Variants in AGBL1 observed in about 807,000 individuals in gnomAD.
The protein encoded by AGBL1 is AGBL carboxypeptidase 1.
Under a neutral mutation model 118.9 loss-of-function variants are expected in AGBL1, and 130 were observed. That is an observed-to-expected ratio of 1.09 (90% confidence interval 0.95 to 1.26). AGBL1 has a LOEUF of 1.26. AGBL1 is among the 50% of genes most tolerant of loss of function. The probability of loss-of-function intolerance (pLI) is 0.00; values close to 1 mark genes in which losing one functional copy is unlikely to be tolerated. For synonymous variants in AGBL1, 555 were observed against 478.9 expected (o/e 1.16, Z -2.08); for missense variants, 1,584 against 1,298.1 (o/e 1.22, Z -3.38).
Position 86,911,979 on chromosome 15 carries a change from C to T in AGBL1, c.*4685C>T, listed in dbSNP as rs951165758. 1 of 152,172 alleles carries T rather than the reference C, an allele frequency of 6.6e-6. No homozygotes were observed. The highest frequency in any genetic ancestry group is 2.4e-5 in the African/African-American group (1 of 41,424). 9.4% of individuals were successfully genotyped at this position (152,172 alleles called of 1,614,324 possible). A position where few individuals can be genotyped will look rare whatever the true frequency, so the allele number is the denominator to read the frequency against. On this transcript the variant is annotated 3_prime_UTR_variant, in exon 23 of 23. Transcript: ENST00000614907. Reference sequence around the variant, plus strand: ...CACAAACCTGCTATTATCTTGGCATCTGTCCCTATACCTATCATACTTCTT... The same window carrying T: ...CACAAACCTGCTATTATCTTGGCATTTGTCCCTATACCTATCATACTTCTT...
chr15:86,183,465 G>A (rs546862296), intron 5 of AGBL1, among the ~76,000 whole-genome samples: 10 of 152,154 alleles, frequency 6.6e-5, no homozygotes, highest in Non-Finnish European at 1.5e-5. Flanking sequence ...GCTCAGAGAA[G>A]ACTCCAGGTC....
At chr15:86,416,325 A>AT (rs556784599) in intron 18 of AGBL1, among the ~76,000 whole-genome samples, 170 of 152,280 alleles carry the variant, frequency 1.1e-3, no homozygotes, top group Non-Finnish European at 1.7e-3. Context: ...TTTTTCTTTT[A>AT]TTTTTGTAAA....
intron 17 of AGBL1, among the ~76,000 whole-genome samples, chr15:86,349,654 G>T (rs952308827): frequency 6.6e-6 from 1 of 152,148 alleles, no homozygotes; most frequent in African/African-American, 2.4e-5. Context: ...CAAGCCAGTT[G>T]CAATGAACCT....
chr15:86,727,976 C>A (rs551540155), intron 22 of AGBL1, among the ~76,000 whole-genome samples: 1 of 152,298 alleles, frequency 6.6e-6, no homozygotes, highest in Admixed American at 6.5e-5. Flanking sequence ...AAAGCTTTTG[C>A]AATAGGCAAG....
chr15:86,206,428 C>T (rs1487572576), intron 5 of AGBL1, among the ~76,000 whole-genome samples: 1 of 152,040 alleles, frequency 6.6e-6, no homozygotes, highest in Non-Finnish European at 1.5e-5. Context: ...ACACTCCCAC[C>T]AACAGTGAGA....
Position 86,908,005 on chromosome 15 carries a change from C to T in AGBL1, c.*711C>T, listed in dbSNP as rs186769387. ...CACCAAACATAATGCTAGGAAGTAC[C>T]AGACCTACTGGAAAATTTATTCATT... On this transcript the variant is annotated 3_prime_UTR_variant, in exon 23 of 23. Transcript: ENST00000614907. The T allele has an allele frequency of 6.6e-6, 1 of 152,114 alleles. No individual in the cohort carries two copies. Among genetic ancestry groups the T allele is most frequent in the Non-Finnish European group, 1.5e-5 (1 of 68,038 alleles). 9.4% of individuals were successfully genotyped at this position (152,114 alleles called of 1,614,324 possible). A position where few individuals can be genotyped will look rare whatever the true frequency, so the allele number is the denominator to read the frequency against.
At chr15:87,015,108 T>G (rs1438826938) in intron 24 of AGBL1, among the ~76,000 whole-genome samples, 1 of 152,152 alleles carries the variant, frequency 6.6e-6, no homozygotes, top group Non-Finnish European at 1.5e-5. Context: ...TCTCCTGCCC[T>G]TGGACATCAG....
chr15:86,331,213 G>C (rs1455574388), intron 17 of AGBL1, among the ~76,000 whole-genome samples: 2 of 120,324 alleles, frequency 1.7e-5, no homozygotes, highest in South Asian at 2.9e-4. Context: ...GACAGAGTGA[G>C]ACTCCATCTC....
At chr15:86,783,267 C>T (rs1407228800) in intron 22 of AGBL1, among the ~76,000 whole-genome samples, 3 of 152,092 alleles carry the variant, frequency 2.0e-5, no homozygotes, top group Non-Finnish European at 4.4e-5. Context: ...AGTTCTGGTC[C>T]TCTATTCTGT....
intron 24 of AGBL1, among the ~76,000 whole-genome samples, chr15:86,989,916 G>A (rs1244534634): frequency 6.6e-6 from 1 of 152,172 alleles, no homozygotes; most frequent in African/African-American, 2.4e-5. Context: ...TCAGGATGGC[G>A]AAGGGGTGGC....
chr15:86,643,177 T>C (rs1035521070), intron 21 of AGBL1, among the ~76,000 whole-genome samples: 3 of 152,174 alleles, frequency 2.0e-5, no homozygotes, highest in African/African-American at 7.2e-5. Flanking sequence ...TAAGCTCATA[T>C]AAAAAAGAAG....
intron 23 of AGBL1, among the ~76,000 whole-genome samples, chr15:86,978,845 A>C (rs955912040): frequency 3.3e-5 from 5 of 152,210 alleles, no homozygotes; most frequent in Non-Finnish European, 5.9e-5. Context: ...CCTTGGAAAT[A>C]AATCTGAACT....
intron 21 of AGBL1, among the ~76,000 whole-genome samples, chr15:86,578,911 C>G (rs903027140): frequency 6.6e-6 from 1 of 152,158 alleles, no homozygotes; most frequent in Non-Finnish European, 1.5e-5. Flanking sequence ...TGAAAACGGA[C>G]TAATACAGGC....
chr15:86,798,100 G>T (rs1419247962), intron 22 of AGBL1, among the ~76,000 whole-genome samples: 1 of 152,214 alleles, frequency 6.6e-6, no homozygotes, highest in Non-Finnish European at 1.5e-5. Context: ...TGTCACTGCA[G>T]TCCCTTGGTA....
At chr15:86,481,904 C>T (rs968330593) in intron 18 of AGBL1, among the ~76,000 whole-genome samples, 15 of 152,186 alleles carry the variant, frequency 9.9e-5, no homozygotes, top group Admixed American at 9.2e-4. Context: ...TCAAATGACT[C>T]ATTTAATATA....
intron 9 of AGBL1, chr15:86,262,502 A>G (rs28374758): frequency 0.019 from 8,171 of 434,188 alleles, 614 homozygotes; most frequent in African/African-American, 0.15. Flanking sequence ...GTGCTTTATC[A>G]ATTATGTAGT....
intron 21 of AGBL1, among the ~76,000 whole-genome samples, chr15:86,602,959 C>G (rs529750328): frequency 1.3e-5 from 2 of 152,228 alleles, no homozygotes; most frequent in East Asian, 3.9e-4. Context: ...GCCTCTCACC[C>G]TGGCTGCTGA....
chr15:86,891,838 T>G (rs1407680722), intron 22 of AGBL1, among the ~76,000 whole-genome samples: 1 of 152,112 alleles, frequency 6.6e-6, no homozygotes, highest in East Asian at 1.9e-4. Context: ...CTGAATAAGT[T>G]TCTAAACAGA....
At chr15:86,970,310 T>A (rs2081093966) in intron 23 of AGBL1, among the ~76,000 whole-genome samples, 1 of 152,000 alleles carries the variant, frequency 6.6e-6, no homozygotes, top group African/African-American at 2.4e-5. Context: ...GTACTTAGTA[T>A]GAGCAAGCAC....
Sources: gnomAD v4.1 joint callset for allele counts (sites outside exome capture counted in the v4.1 genomes callset) on GRCh38, gnomAD v4.1.1 for gene constraint, MANE v1.5 for transcripts, NCBI Gene and HGNC (gene_info 2026-07-23, HGNC 2026-07-21) for gene names.